Variants in CREBBP observed in about 807,000 individuals in gnomAD.
CREBBP encodes the protein CREB binding lysine acetyltransferase.
A neutral mutation model predicts 265.0 loss-of-function variants in CREBBP; 19 were observed. That is an observed-to-expected ratio of 0.07 (90% confidence interval 0.05 to 0.11). The LOEUF (loss-of-function observed/expected upper bound fraction) is 0.11. Ranked by LOEUF, CREBBP falls within the 10% of genes least tolerant of loss-of-function variation. The probability of loss-of-function intolerance (pLI) is 1.00; values close to 1 mark genes in which losing one functional copy is unlikely to be tolerated. For missense variants in CREBBP, 2,525 were observed against 3,219.0 expected, an observed-to-expected ratio of 0.78 and a Z score of 5.22; for synonymous variants, 1,457 against 1,223.7, an observed-to-expected ratio of 1.19 and a Z score of -3.98.
intron 2 of CREBBP, among the ~76,000 whole-genome samples, chr16:3,819,577 T>G (rs1461081621): frequency 6.6e-6 from 1 of 152,214 alleles, no homozygotes; most frequent in Non-Finnish European, 1.5e-5. Context: ...GCATTTGGAT[T>G]ATGGGACATT....
intron 1 of CREBBP, among the ~76,000 whole-genome samples, chr16:3,879,589 G>A (rs997413429): frequency 4.6e-5 from 7 of 152,184 alleles, no homozygotes; most frequent in Non-Finnish European, 1.0e-4. Flanking sequence ...TAGGGTCCCC[G>A]CGAGGAGGGC....
chr16:3,756,029 T>TA (rs1393141588), intron 19 of CREBBP, among the ~76,000 whole-genome samples: 3 of 151,828 alleles, frequency 2.0e-5, no homozygotes, highest in African/African-American at 4.8e-5. Flanking sequence ...TATGGATTTT[T>TA]AAAAAAAACA....
chr16:3,871,859 ACT>A (rs1436017147), intron 1 of CREBBP, among the ~76,000 whole-genome samples: 1 of 152,236 alleles, frequency 6.6e-6, no homozygotes, highest in Non-Finnish European at 1.5e-5. Context: ...AAATATACCT[ACT>A]GTATACAATA....
chr16:3,790,209 A>C (rs2053474522), intron 5 of CREBBP, among the ~76,000 whole-genome samples: 1 of 152,202 alleles, frequency 6.6e-6, no homozygotes, highest in African/African-American at 2.4e-5. Context: ...GAGGAAAAAC[A>C]GACTGTATTC....
chr16:3,789,349 C>A (rs2053456566), intron 5 of CREBBP, among the ~76,000 whole-genome samples: 2 of 152,228 alleles, frequency 1.3e-5, no homozygotes, highest in Non-Finnish European at 2.9e-5. Context: ...TGTGCAGACA[C>A]TGTCCCCACT....
chr16:3,746,817 T>C (rs2052353586), intron 21 of CREBBP, among the ~76,000 whole-genome samples: 1 of 152,096 alleles, frequency 6.6e-6, no homozygotes, highest in African/African-American at 2.4e-5. Flanking sequence ...TGGTGGTGTG[T>C]GCCTGTAGTC....
intron 19 of CREBBP, among the ~76,000 whole-genome samples, chr16:3,752,502 C>A (rs2052497269): frequency 6.7e-6 from 1 of 149,548 alleles, no homozygotes; most frequent in Non-Finnish European, 1.5e-5. Context: ...TGTTACAATA[C>A]AAATGAAACC....
chr16:3,813,560 T>C (rs1256686635), intron 2 of CREBBP, among the ~76,000 whole-genome samples: 1 of 152,226 alleles, frequency 6.6e-6, no homozygotes, highest in African/African-American at 2.4e-5. Flanking sequence ...CTTAGAAGCC[T>C]AGAATTTGAA....
rs190970288 is a variant in CREBBP at position 3,730,244 on chromosome 16, C to T, written c.5173-370G>A. On this transcript the variant is annotated intron_variant, in intron 30 of 30. Transcript: ENST00000262367. The stretch of plus-strand genomic sequence containing the variant: ...AGCTCACGGACAGTAGACACCAGCC[C>T]CCTTCCTTCCGACTTCCTCTGACCT... 5.9e-5 allele frequency among the ~76,000 whole-genome samples: 9 copies of T among 152,296 alleles called. No homozygotes were observed. The East Asian group carries it at 1.7e-3, about 29-fold the overall frequency.
intron 5 of CREBBP, among the ~76,000 whole-genome samples, chr16:3,787,818 G>A (rs920497119): frequency 3.9e-5 from 6 of 152,066 alleles, no homozygotes; most frequent in Non-Finnish European, 5.9e-5. Context: ...TGGGACTACA[G>A]GCGCATGCTG....
At chr16:3,878,017 C>G (rs2055439373) in intron 1 of CREBBP, among the ~76,000 whole-genome samples, 1 of 152,214 alleles carries the variant, frequency 6.6e-6, no homozygotes, top group African/African-American at 2.4e-5. Flanking sequence ...AAAAGCTAAC[C>G]TTTGGGCTCC....
intron 5 of CREBBP, among the ~76,000 whole-genome samples, chr16:3,787,903 A>G (rs372300550): frequency 6.6e-6 from 1 of 152,146 alleles, no homozygotes; most frequent in East Asian, 1.9e-4. Flanking sequence ...GTTGAACATG[A>G]GCTCAGGCAA....
intron 2 of CREBBP, among the ~76,000 whole-genome samples, chr16:3,835,335 T>C (rs967761689): frequency 3.9e-5 from 6 of 152,146 alleles, no homozygotes; most frequent in African/African-American, 9.7e-5. Context: ...CCATCCCAGA[T>C]TGTTTTCTTT....
intron 27 of CREBBP, 57 bp from the exon 28 acceptor site, chr16:3,736,260 T>A: frequency 6.4e-7 from 1 of 1,564,808 alleles, no homozygotes; most frequent in African/African-American, 1.4e-5. Flanking sequence ...CCCCCCACCA[T>A]GGTGCGACAG....
intron 16 of CREBBP, among the ~76,000 whole-genome samples, chr16:3,764,508 A>G (rs923410433): frequency 6.6e-6 from 1 of 150,890 alleles, no homozygotes; most frequent in Non-Finnish European, 1.5e-5. Flanking sequence ...ACGCCTGGCC[A>G]TAAGTAATCC....
chr16:3,802,510 C>T lies in CREBBP; in HGVS notation c.975+8093G>A, dbSNP rs1225072310. Among the ~76,000 whole-genome samples the T allele has an allele frequency of 2.0e-5, 3 of 151,910 alleles. No individual in the cohort carries two copies. In the East Asian group the frequency reaches 5.8e-4, roughly 29 times the overall value. The stretch of plus-strand genomic sequence containing the variant: ...GCTACATAGGTTTTGGGTAATTTAG[C>T]CCCAATGCCATTTTTCCTATAGTGC... On this transcript the variant is annotated intron_variant, in intron 3 of 30. Transcript: ENST00000262367.
chr16:3,824,962 A>T (rs2054209817), intron 2 of CREBBP, among the ~76,000 whole-genome samples: 1 of 152,208 alleles, frequency 6.6e-6, no homozygotes, highest in African/African-American at 2.4e-5. Flanking sequence ...TAAATGGGAT[A>T]GCACATGGGA....
intron 1 of CREBBP, among the ~76,000 whole-genome samples, chr16:3,867,735 T>C (rs1597081558): frequency 1.6e-5 from 2 of 123,450 alleles, no homozygotes; most frequent in African/African-American, 3.1e-5. Flanking sequence ...CTAGGCAACA[T>C]AGGAAGACCC....
chr16:3,812,050 G>A (rs917812270), intron 2 of CREBBP, among the ~76,000 whole-genome samples: 5 of 152,046 alleles, frequency 3.3e-5, no homozygotes, highest in African/African-American at 1.2e-4. Flanking sequence ...CTGGGCAGGA[G>A]GAGGTGGCAG....
Sources: allele counts gnomAD v4.1 joint callset (sites outside exome capture counted in the v4.1 genomes callset), GRCh38; gene constraint gnomAD v4.1.1; transcripts MANE v1.5; gene names NCBI Gene and HGNC (gene_info 2026-07-23, HGNC 2026-07-21).